Variants in TMEM163 observed in about 807,000 individuals in gnomAD.
TMEM163 encodes transmembrane protein 163.
In TMEM163, 17 loss-of-function variants were observed where a neutral mutation model predicts 29.3. The observed-to-expected ratio is 0.58, with a 90% confidence interval of 0.40 to 0.87. The LOEUF (loss-of-function observed/expected upper bound fraction) is 0.87. Ranked by LOEUF, TMEM163 falls within the 40% of genes least tolerant of loss-of-function variation. TMEM163 has a pLI of 0.00. For missense variants in TMEM163, 303 were observed against 381.5 expected (o/e 0.79, Z 1.71); for synonymous variants, 157 against 160.6 (o/e 0.98, Z 0.17).
chr2:134,493,452 C>A (rs1679474587), intron 5 of TMEM163, among the ~76,000 whole-genome samples: 2 of 136,644 alleles, frequency 1.5e-5, no homozygotes, highest in Admixed American at 1.6e-4. Context: ...CAGCTCACTG[C>A]AACCTCTGTC....
At chr2:134,482,153 T>G (rs553882111) in intron 5 of TMEM163, among the ~76,000 whole-genome samples, 100 of 152,278 alleles carry the variant, frequency 6.6e-4, no homozygotes, top group African/African-American at 2.4e-3. Flanking sequence ...ACCACCCCCA[T>G]TTTCCCATAC....
At chr2:134,684,500 A>G (rs1349207225) in intron 2 of TMEM163, among the ~76,000 whole-genome samples, 7 of 151,968 alleles carry the variant, frequency 4.6e-5, no homozygotes, top group Admixed American at 4.6e-4. Flanking sequence ...TTCTGAGGGA[A>G]CCCCATGAGC....
At chr2:134,686,341 G>A (rs1039844754) in intron 2 of TMEM163, among the ~76,000 whole-genome samples, 15 of 152,302 alleles carry the variant, frequency 9.8e-5, no homozygotes, top group African/African-American at 2.9e-4. Context: ...GCCTGCCCCC[G>A]GGCTCAACCA....
chr2:134,680,646 G>C (rs994100807), intron 2 of TMEM163, among the ~76,000 whole-genome samples: 3 of 152,198 alleles, frequency 2.0e-5, no homozygotes, highest in African/African-American at 7.2e-5. Context: ...CAGCTACTTT[G>C]TATGTTGGGC....
chr2:134,461,889 G>A (rs750547974), intron 6 of TMEM163, among the ~76,000 whole-genome samples: 12 of 152,184 alleles, frequency 7.9e-5, no homozygotes, highest in Admixed American at 7.2e-4. Flanking sequence ...AACCCCCAAC[G>A]TTCATGACAG....
At chr2:134,553,330 C>A (rs568362035) in intron 2 of TMEM163, among the ~76,000 whole-genome samples, 1 of 152,346 alleles carries the variant, frequency 6.6e-6, no homozygotes, top group African/African-American at 2.4e-5. Flanking sequence ...ACAGTCCCCA[C>A]ACAACTGTGT....
At chr2:134,676,857 C>G (rs1211065295) in intron 2 of TMEM163, among the ~76,000 whole-genome samples, 1 of 152,082 alleles carries the variant, frequency 6.6e-6, no homozygotes, top group Non-Finnish European at 1.5e-5. Context: ...AATGGATAAG[C>G]ACCATAGGAG....
chr2:134,649,700 G>A (rs930541039), intron 2 of TMEM163, among the ~76,000 whole-genome samples: 2 of 152,040 alleles, frequency 1.3e-5, no homozygotes, highest in Admixed American at 1.3e-4. Context: ...AATAACATAA[G>A]GTATCTCTAT....
chr2:134,599,228 C>T (rs1682168438), intron 2 of TMEM163, among the ~76,000 whole-genome samples: 1 of 152,158 alleles, frequency 6.6e-6, no homozygotes, highest in Non-Finnish European at 1.5e-5. Flanking sequence ...TTCATAGCTC[C>T]TGCCATGGAA....
chr2:134,576,278 G>A (rs956053516), intron 2 of TMEM163, among the ~76,000 whole-genome samples: 15 of 152,130 alleles, frequency 9.9e-5, no homozygotes, highest in Admixed American at 7.2e-4. Flanking sequence ...GAAATTCTAC[G>A]AAGTGGTTTT....
Position 134,541,771 on chromosome 2 carries a change from TGC to T in TMEM163, c.458+8797_458+8798del, listed in dbSNP as rs1680674399. On this transcript the variant is annotated intron_variant, in intron 4 of 7. Coordinates refer to ENST00000281924, the MANE Select transcript of TMEM163 (RefSeq NM_030923.5). ...ATGGATATACGTGTGTGTACACACG[TGC>T]ACACACACACACACACACACACACA... Among the ~76,000 whole-genome samples, 23 of 87,490 alleles carry T rather than the reference TGC, an allele frequency of 2.6e-4. No individual in the cohort carries two copies. In the South Asian group the frequency reaches 0.014, roughly 52 times the overall value. 57.4% of individuals were successfully genotyped at this position (87,490 alleles called of 152,430 possible).
At chr2:134,505,865 T>C (rs1437600276) in intron 4 of TMEM163, among the ~76,000 whole-genome samples, 5 of 152,170 alleles carry the variant, frequency 3.3e-5, no homozygotes, top group Non-Finnish European at 5.9e-5. Flanking sequence ...TTACTCAAAA[T>C]TACACTATAA....
At chr2:134,620,055 A>T (rs1330652309) in intron 2 of TMEM163, among the ~76,000 whole-genome samples, 4 of 152,222 alleles carry the variant, frequency 2.6e-5, no homozygotes, top group African/African-American at 7.2e-5. Flanking sequence ...CTTTACATCC[A>T]GTAACATGGC....
intron 5 of TMEM163, among the ~76,000 whole-genome samples, chr2:134,493,345 G>T (rs1574175002): frequency 8.4e-6 from 1 of 118,378 alleles, no homozygotes; most frequent in Non-Finnish European, 1.7e-5. Context: ...TTGACTTATG[G>T]TTCAAGCTTT....
chr2:134,589,701 C>T (rs1174428341), intron 2 of TMEM163, among the ~76,000 whole-genome samples: 1 of 152,188 alleles, frequency 6.6e-6, no homozygotes, highest in Non-Finnish European at 1.5e-5. Context: ...TAAAAATAGC[C>T]AACCAGCAGC....
At chr2:134,677,152 C>T (rs1412554173) in intron 2 of TMEM163, among the ~76,000 whole-genome samples, 1 of 152,184 alleles carries the variant, frequency 6.6e-6, no homozygotes, top group East Asian at 1.9e-4. Context: ...TCGCTTCCTT[C>T]CGCAGACCTC....
At chr2:134,575,453 G>C (rs72984277) in intron 2 of TMEM163, among the ~76,000 whole-genome samples, 3,103 of 152,164 alleles carry the variant, frequency 0.02, 53 homozygotes, top group African/African-American at 0.041. Flanking sequence ...AGGGGCCTGC[G>C]GTATGTATAG....
At position 134,632,086 on chromosome 2, in the gene TMEM163, T is replaced by C. The variant is rs114162955; in HGVS notation, c.323-79995A>G. ...ATTTGTCTGGAAATCAGAGATACCA[T>C]GGAGGAAATAGCCCTTGAAAAGGGC... is the stretch of plus-strand genomic sequence containing the variant. On this transcript the variant is annotated intron_variant, in intron 2 of 7. Transcript: ENST00000281924. Among the ~76,000 whole-genome samples the C allele has an allele frequency of 6.6e-3, 998 of 152,210 alleles. 9 individuals carry two copies. The highest frequency in any genetic ancestry group is 7.2e-3 in the Non-Finnish European group (490 of 67,990).
chr2:134,537,860 C>A (rs904577121), intron 4 of TMEM163, among the ~76,000 whole-genome samples: 2 of 152,194 alleles, frequency 1.3e-5, no homozygotes, highest in African/African-American at 4.8e-5. Context: ...CAATGACCCA[C>A]TACTTCAATA....
Sources: gnomAD v4.1 joint callset for allele counts (sites outside exome capture counted in the v4.1 genomes callset) on GRCh38, gnomAD v4.1.1 for gene constraint, MANE v1.5 for transcripts, NCBI Gene and HGNC (gene_info 2026-07-23, HGNC 2026-07-21) for gene names.